The following METTL21A variants were observed in gnomAD, a reference collection of about 807,000 sequenced individuals.
METTL21A encodes the protein protein N-lysine methyltransferase METTL21A.
A neutral mutation model predicts 20.9 loss-of-function variants in METTL21A; 22 were observed. That is an observed-to-expected ratio of 1.05 (90% CI 0.75 to 1.50). The LOEUF (loss-of-function observed/expected upper bound fraction) is 1.50. Ranked by LOEUF, METTL21A falls within the 40% of genes most tolerant of loss-of-function variation. METTL21A has a pLI of 0.00. For synonymous variants in METTL21A, 93 were observed against 102.0 expected, an observed-to-expected ratio of 0.91 and a Z score of 0.53; for missense variants, 271 against 266.8, an observed-to-expected ratio of 1.02 and a Z score of -0.11.
chr2:207,580,718 T>C (rs1452731039), downstream of METTL21A: 1 of 223,478 alleles, frequency 4.5e-6, no homozygotes, highest in Non-Finnish European at 8.9e-6. Context: ...CTTCTGTTAA[T>C]TTGTGTTGCT....
Position 207,597,203 on chromosome 2 carries a change from A to C in METTL21A, c.260-15043T>G, listed in dbSNP as rs980566891. On this transcript the variant is annotated intron_variant, in intron 3 of 3. Transcript: ENST00000425132. ...TGAAAGCAACTACAGAATTTCATTCATTTGTGCTTTTGCATTAAACTGTGA... is the reference window on the plus strand; with the variant it reads ...TGAAAGCAACTACAGAATTTCATTCCTTTGTGCTTTTGCATTAAACTGTGA... 3 of 874,230 alleles carry C rather than the reference A, an allele frequency of 3.4e-6. No individual in the cohort carries two copies. The South Asian group carries it at 6.3e-5, about 18-fold the overall frequency. The allele number at this position is 874,230 out of a possible 1,614,324, so 54.2% of individuals were successfully genotyped here.
At chr2:207,581,080 G>T, downstream of METTL21A, 1 of 212,398 alleles carries the variant, frequency 4.7e-6, no homozygotes. Context: ...ATTGTAGGGG[G>T]ATTTTAAAAG....
downstream of METTL21A, chr2:207,612,547 AC>A (rs2089119013): frequency 6.6e-6 from 1 of 152,374 alleles, no homozygotes; most frequent in Non-Finnish European, 1.5e-5. Context: ...AGTGTTTAGG[AC>A]CTAAACAGGG....
At chr2:207,618,882 C>T (rs956904706) in intron 3 of METTL21A, among the ~76,000 whole-genome samples, 2 of 152,000 alleles carry the variant, frequency 1.3e-5, no homozygotes, top group Non-Finnish European at 2.9e-5. Context: ...ACCATAAGAC[C>T]AGGGAGATTT....
At chr2:207,615,693 TAA>T (rs755303520) in intron 3 of METTL21A, 31 of 108,620 alleles carry the variant, frequency 2.9e-4, no homozygotes, top group Admixed American at 6.1e-4. Context: ...AGACTCCGTC[TAA>T]AAAAAAAAAA....
upstream of METTL21A, chr2:207,625,427 C>A (rs2091012393): frequency 6.6e-6 from 1 of 152,158 alleles, no homozygotes; most frequent in African/African-American, 2.4e-5. Context: ...GGCAGGTGCC[C>A]CCGGAGCTCA....
intron 2 of METTL21A, among the ~76,000 whole-genome samples, chr2:207,622,243 A>G (rs1425513533): frequency 6.9e-6 from 1 of 145,494 alleles, no homozygotes; most frequent in Non-Finnish European, 1.5e-5. Context: ...ATCTCAGCTC[A>G]CTGCAACCTC....
intron 3 of METTL21A, chr2:207,620,706 G>A (rs2107262389): frequency 3.3e-6 from 5 of 1,532,682 alleles, no homozygotes; most frequent in Non-Finnish European, 4.4e-6. Context: ...TGTGGTTGAA[G>A]ACGGACGGAA....
At chr2:207,601,200 A>G (rs981937425) in intron 3 of METTL21A, 2 of 185,184 alleles carry the variant, frequency 1.1e-5, no homozygotes, top group Non-Finnish European at 2.3e-5. Context: ...GAAAAGTTGT[A>G]TATTTATTTG....
intron 3 of METTL21A, among the ~76,000 whole-genome samples, chr2:207,616,615 C>T (rs1209281460): frequency 6.6e-6 from 1 of 152,096 alleles, no homozygotes; most frequent in East Asian, 1.9e-4. Context: ...GAGGCCAAGG[C>T]GGGTGGATCA....
chr2:207,624,048 A>G (rs965011812), intron 2 of METTL21A, among the ~76,000 whole-genome samples, 181 bp downstream of exon 2: 2 of 152,190 alleles, frequency 1.3e-5, no homozygotes, highest in Non-Finnish European at 2.9e-5. Flanking sequence ...TGAAGCGGTA[A>G]TAGTTGCACT....
chr2:207,613,346 A>C (rs1415455837), exon 4 of METTL21A: 1 of 1,614,026 alleles, frequency 6.2e-7, no homozygotes, highest in East Asian at 2.2e-5. Context: ...GCTCCTTAAC[A>C]ACAGTTTTAG....
Position 207,621,685 on chromosome 2 carries a change from G to A in METTL21A, c.259+121C>T, listed in dbSNP as rs2090495052. On this transcript the variant is annotated intron_variant, in intron 3 of 3. Transcript: ENST00000406927. ...CCAGCAGTTGGCCCACAACTCATAA[G>A]TATAAGCAAAAGATAATAACCCAGT... 14 of 840,752 alleles carry A rather than the reference G, an allele frequency of 1.7e-5. No individual in the cohort carries two copies. The Admixed American group carries it at 2.6e-4, about 16-fold the overall frequency. 52.1% of individuals were successfully genotyped at this position (840,752 alleles called of 1,614,324 possible).
intron 3 of METTL21A, 58 bp downstream of exon 3, chr2:207,621,748 C>T: frequency 6.9e-7 from 1 of 1,449,486 alleles, no homozygotes. Context: ...GCTAAGAAAA[C>T]AGCAAATGCA....
chr2:207,581,223 T>A (rs1407395482), downstream of METTL21A: 1 of 204,828 alleles, frequency 4.9e-6, no homozygotes, highest in Non-Finnish European at 1.0e-5. Context: ...AGAAGACTAA[T>A]GAGTTGAGGG....
At chr2:207,608,888 C>T (rs143767024), downstream of METTL21A, among the ~76,000 whole-genome samples, 996 of 152,300 alleles carry the variant, frequency 6.5e-3, 43 homozygotes, top group Admixed American at 0.054. Context: ...GATCGTGCCC[C>T]GCACTCCAGC....
At chr2:207,599,452 G>A (rs2086687210) in intron 3 of METTL21A, 1 of 198,058 alleles carries the variant, frequency 5.0e-6, no homozygotes, top group Non-Finnish European at 1.0e-5. Context: ...TACTTACTGG[G>A]AAGTTGGTGG....
intron 3 of METTL21A, chr2:207,598,063 A>G (rs1178880900): frequency 5.5e-6 from 1 of 181,066 alleles, no homozygotes; most frequent in Non-Finnish European, 1.2e-5. Flanking sequence ...CAAATAAAGC[A>G]AAGTGATATA....
intron 3 of METTL21A, chr2:207,599,297 C>G (rs2086664127): frequency 4.9e-6 from 1 of 205,780 alleles, no homozygotes; most frequent in Admixed American, 5.9e-5. Flanking sequence ...AGCAAAGTCA[C>G]AAATATGTTC....
Sources: allele counts gnomAD v4.1 joint callset (sites outside exome capture counted in the v4.1 genomes callset), GRCh38; gene constraint gnomAD v4.1.1; transcripts MANE v1.5; gene names NCBI Gene and HGNC (gene_info 2026-07-23, HGNC 2026-07-21).